The following FRAS1 variants were observed in gnomAD, a reference collection of about 807,000 sequenced individuals.
FRAS1 encodes the protein Fraser extracellular matrix complex subunit 1.
FRAS1 carries 290 observed loss-of-function variants against 435.2 expected under a neutral mutation model. The observed-to-expected ratio is 0.67, with a 90% CI of 0.61 to 0.73. FRAS1 has a LOEUF of 0.73. Among genes scored for constraint, FRAS1 ranks in the 30% least tolerant of loss-of-function variants. The pLI is 0.00. For synonymous variants in FRAS1, 1,800 were observed against 1,851.0 expected, an observed-to-expected ratio of 0.97 and a Z score of 0.71; for missense variants, 4,860 against 5,001.5, an observed-to-expected ratio of 0.97 and a Z score of 0.85.
At chr4:78,183,732 T>TTGTGTGTGTGTG (rs3974339) in intron 2 of FRAS1, among the ~76,000 whole-genome samples, 2,381 of 136,994 alleles carry the variant, frequency 0.017, 27 homozygotes, top group Non-Finnish European at 0.026. Context: ...TTCATTCTCT[T>TTGTGTGTGTGTG]TGTGTGTGTG....
chr4:78,196,139 C>G (rs1722801837), intron 2 of FRAS1, among the ~76,000 whole-genome samples: 1 of 152,118 alleles, frequency 6.6e-6, no homozygotes, highest in African/African-American at 2.4e-5. Flanking sequence ...TCCTGAGTAG[C>G]TGGGTCTACA....
chr4:78,127,953 C>T (rs2109976927), intron 2 of FRAS1, among the ~76,000 whole-genome samples: 1 of 144,930 alleles, frequency 6.9e-6, no homozygotes, highest in Middle Eastern at 3.5e-3. Context: ...TTTCCTGTGT[C>T]CATGTGTTCT....
intron 2 of FRAS1, among the ~76,000 whole-genome samples, chr4:78,155,131 A>G (rs935873408): frequency 6.6e-6 from 1 of 152,208 alleles, no homozygotes; most frequent in African/African-American, 2.4e-5. Context: ...TTCTAGGCCC[A>G]TGGCTTGGCC....
At chr4:78,218,436 T>C (rs1461669398) in intron 2 of FRAS1, among the ~76,000 whole-genome samples, 3 of 152,182 alleles carry the variant, frequency 2.0e-5, no homozygotes, top group Non-Finnish European at 4.4e-5. Context: ...CCAAGTTCAA[T>C]ACAGTTCATT....
intron 2 of FRAS1, among the ~76,000 whole-genome samples, chr4:78,088,928 G>T (rs1209354694): frequency 6.6e-6 from 1 of 151,966 alleles, no homozygotes; most frequent in Non-Finnish European, 1.5e-5. Flanking sequence ...CCCATTACTG[G>T]GTATATACCC....
intron 2 of FRAS1, among the ~76,000 whole-genome samples, chr4:78,124,638 G>A (rs1247823613): frequency 6.6e-6 from 1 of 152,078 alleles, no homozygotes; most frequent in Non-Finnish European, 1.5e-5. Flanking sequence ...ATTAATTATT[G>A]CCTCCATTTC....
intron 2 of FRAS1, among the ~76,000 whole-genome samples, chr4:78,119,407 C>T (rs538740582): frequency 6.6e-6 from 1 of 152,240 alleles, no homozygotes; most frequent in South Asian, 2.1e-4. Context: ...AACTTTATTC[C>T]CCCTACATAT....
intron 14 of FRAS1, among the ~76,000 whole-genome samples, chr4:78,295,935 T>C (rs199633930): frequency 1.3e-5 from 2 of 151,916 alleles, no homozygotes; most frequent in East Asian, 3.9e-4. Context: ...GTATTTTTAG[T>C]AGAGACAGGA....
chr4:78,084,188 T>G (rs982788486), intron 2 of FRAS1, among the ~76,000 whole-genome samples: 2 of 152,140 alleles, frequency 1.3e-5, no homozygotes, highest in African/African-American at 4.8e-5. Flanking sequence ...ATCAAATATT[T>G]TTTTGGGGGA....
At chr4:78,234,904 A>C (rs1414030606) in intron 2 of FRAS1, among the ~76,000 whole-genome samples, 1 of 152,216 alleles carries the variant, frequency 6.6e-6, no homozygotes, top group Non-Finnish European at 1.5e-5. Flanking sequence ...TTCTCCAGAG[A>C]ATCAACAATA....
In FRAS1 at chr4:78,218,098, T is replaced by TCTCTCTCTCA. The variant is rs368430185; in HGVS notation, c.109-19411_109-19410insTCTCTCTCAC. Among the ~76,000 whole-genome samples the TCTCTCTCTCA allele has an allele frequency of 7.3e-4, 29 of 39,738 alleles. 4 individuals carry two copies. Among genetic ancestry groups the TCTCTCTCTCA allele is most frequent in the African/African-American group, 2.6e-3 (27 of 10,278 alleles). The allele number at this position is 39,738 out of a possible 152,430, so 26.1% of individuals were successfully genotyped here. ...CCTTCTCTCTCTCTCTCACTCTCTC[T>TCTCTCTCTCA]CACACACACACACACACACACACAC... is the stretch of plus-strand genomic sequence containing the variant. On this transcript the variant is annotated intron_variant, in intron 2 of 73. Coordinates refer to ENST00000512123, the MANE Select transcript of FRAS1 (RefSeq NM_025074.7).
At chr4:78,504,171 G>T (rs1720762751) in intron 61 of FRAS1, among the ~76,000 whole-genome samples, 1 of 152,204 alleles carries the variant, frequency 6.6e-6, no homozygotes, top group South Asian at 2.1e-4. Context: ...GTGATGTGGT[G>T]CTGAGAAGAA....
At chr4:78,507,632 T>A in intron 62 of FRAS1, 24 bp downstream of exon 62, 1 of 1,567,926 alleles carries the variant, frequency 6.4e-7, no homozygotes. Flanking sequence ...CCCAAAGGAT[T>A]GCTGTTTTAC....
intron 32 of FRAS1, among the ~76,000 whole-genome samples, chr4:78,414,199 T>C (rs548339759): frequency 6.6e-6 from 1 of 152,362 alleles, no homozygotes; most frequent in East Asian, 1.9e-4. Flanking sequence ...AAGTCTGTAA[T>C]TCATCATTCT....
At chr4:78,222,023 G>A (rs376426082) in intron 2 of FRAS1, among the ~76,000 whole-genome samples, 44 of 152,272 alleles carry the variant, frequency 2.9e-4, no homozygotes, top group East Asian at 9.7e-4. Context: ...CATTAGCCTC[G>A]TATAAGGTCT....
intron 2 of FRAS1, chr4:78,181,289 G>A: frequency 6.2e-7 from 1 of 1,604,786 alleles, no homozygotes; most frequent in Non-Finnish European, 8.5e-7. Flanking sequence ...TTCAGTGTCT[G>A]CCACTGGATG....
intron 38 of FRAS1, among the ~76,000 whole-genome samples, chr4:78,436,127 AAC>A (rs1381487664): frequency 6.6e-6 from 1 of 152,224 alleles, no homozygotes; most frequent in Non-Finnish European, 1.5e-5. Context: ...CAAAAAATAT[AAC>A]CAAAAATAAC....
chr4:78,271,552 A>G (rs1037464579), intron 9 of FRAS1, among the ~76,000 whole-genome samples: 2 of 152,136 alleles, frequency 1.3e-5, no homozygotes, highest in African/African-American at 4.8e-5. Flanking sequence ...CCTATGAGTG[A>G]GAACATGCAG....
chr4:78,223,803 AATATT>A (rs1341216686), intron 2 of FRAS1, among the ~76,000 whole-genome samples: 6 of 152,182 alleles, frequency 3.9e-5, no homozygotes, highest in African/African-American at 1.4e-4. Context: ...TATTACATTT[AATATT>A]ATATTTCCAT....
Sources: gnomAD v4.1 joint callset for allele counts (sites outside exome capture counted in the v4.1 genomes callset) on GRCh38, gnomAD v4.1.1 for gene constraint, MANE v1.5 for transcripts, NCBI Gene and HGNC (gene_info 2026-07-23, HGNC 2026-07-21) for gene names.